INPP5B: variants seen among roughly 807,000 people sequenced by gnomAD.
INPP5B encodes the protein type II inositol 1,4,5-trisphosphate 5-phosphatase.
A neutral mutation model predicts 118.5 loss-of-function variants in INPP5B; 90 were observed. The ratio of observed to expected loss-of-function variants is 0.76; its 90% CI spans 0.64 to 0.90. The LOEUF is 0.90. Among genes scored for constraint, INPP5B ranks in the 40% least tolerant of loss-of-function variants. The probability of loss-of-function intolerance (pLI) is 0.00; values close to 1 mark genes in which losing one functional copy is unlikely to be tolerated. For missense variants in INPP5B, 984 were observed against 1,125.6 expected (o/e 0.87, Z 1.80); for synonymous variants, 385 against 418.9 (o/e 0.92, Z 0.99).
At chr1:37,884,229 G>A (rs937867967) in intron 13 of INPP5B, 4 of 152,132 alleles carry the variant, frequency 2.6e-5, no homozygotes, top group African/African-American at 4.8e-5. Context: ...TTAAAAAAAA[G>A]AAATCTTAAG....
At chr1:37,899,905 G>A (rs1382360762) in intron 7 of INPP5B, among the ~76,000 whole-genome samples, 4 of 149,586 alleles carry the variant, frequency 2.7e-5, no homozygotes, top group East Asian at 4.1e-4. Context: ...TAGTAGAGAC[G>A]GGGTTTCACC....
intron 7 of INPP5B, among the ~76,000 whole-genome samples, chr1:37,927,712 T>C (rs1214665950): frequency 6.6e-6 from 1 of 151,938 alleles, no homozygotes; most frequent in Non-Finnish European, 1.5e-5. Context: ...AATTTTTTTG[T>C]ATTTTTAGTA....
chr1:37,926,803 G>A (rs1245530860), intron 7 of INPP5B, among the ~76,000 whole-genome samples: 1 of 152,026 alleles, frequency 6.6e-6, no homozygotes, highest in Admixed American at 6.6e-5. Flanking sequence ...GATAAGTACT[G>A]GGCCCTGTAC....
Position 37,866,444 on chromosome 1 carries a change from A to C in INPP5B, c.2386+15T>G. ...CACACACACACACACACAGAGCTGAATGTCTGAAGGATACAGAGGTTATCA... is the reference window on the plus strand; with the variant it reads ...CACACACACACACACACAGAGCTGACTGTCTGAAGGATACAGAGGTTATCA... On this transcript the variant is annotated intron_variant, in intron 21 of 23. Transcript: ENST00000373024. 1 of 1,353,962 alleles carries C rather than the reference A, an allele frequency of 7.4e-7. No homozygotes were observed. The highest frequency in any genetic ancestry group is 1.1e-6 in the Non-Finnish European group (1 of 944,636). 83.9% of individuals were successfully genotyped at this position (1,353,962 alleles called of 1,614,324 possible).
At chr1:37,917,311 TATATATA>T (rs1644905682) in intron 7 of INPP5B, among the ~76,000 whole-genome samples, 3 of 7,706 alleles carry the variant, frequency 3.9e-4, no homozygotes, top group South Asian at 7.9e-3. Context: ...AAAATAATTA[TATATATA>T]TATATATATA....
Position 37,861,900 on chromosome 1 carries a change from G to A in INPP5B, c.*415C>T. ...AAATGCAAAAAATTAGCTGGGCGTG[G>A]CAGTGTGTGCCTGCAGTCCCAGCTA... On this transcript the variant is annotated 3_prime_UTR_variant, in exon 24 of 24. Transcript: ENST00000373024. The A allele has an allele frequency of 6.2e-6, 1 of 160,618 alleles. No homozygotes were observed. The highest frequency in any genetic ancestry group is 1.4e-5 in the Non-Finnish European group (1 of 73,542). 9.9% of individuals were successfully genotyped at this position (160,618 alleles called of 1,614,324 possible). A position where few individuals can be genotyped will look rare whatever the true frequency, so the allele number is the denominator to read the frequency against.
chr1:37,871,083 G>A (rs908858335), intron 19 of INPP5B, among the ~76,000 whole-genome samples: 3 of 151,250 alleles, frequency 2.0e-5, no homozygotes, highest in African/African-American at 4.9e-5. Flanking sequence ...CTTGCAACCT[G>A]GACGGCAGAG....
At chr1:37,917,795 C>T (rs1398324865) in intron 7 of INPP5B, among the ~76,000 whole-genome samples, 2 of 152,078 alleles carry the variant, frequency 1.3e-5, no homozygotes, top group Non-Finnish European at 2.9e-5. Context: ...AATAAAATAG[C>T]CATACATGGC....
At chr1:37,885,606 G>T in intron 13 of INPP5B, 32 bp downstream of exon 13, 7 of 1,601,120 alleles carry the variant, frequency 4.4e-6, no homozygotes, top group Non-Finnish European at 5.1e-6. Context: ...TGTACTCATG[G>T]TGAACCGCAT....
Position 37,908,151 on chromosome 1 carries a change from G to A in INPP5B, c.533-16697C>T, listed in dbSNP as rs147598502. ...GCACCCAGGTGAAATAAACAGCCCT[G>A]TTGCTCACACAAAGCCTGTTGGTGG... On this transcript the variant is annotated intron_variant, in intron 7 of 23. Coordinates refer to ENST00000373024, the MANE Select transcript of INPP5B (RefSeq NM_005540.3). 6.0e-3 allele frequency among the ~76,000 whole-genome samples: 913 copies of A among 152,284 alleles called. 10 individuals carry two copies. Among genetic ancestry groups the A allele is most frequent in the Non-Finnish European group, 8.8e-3 (602 of 68,028 alleles).
chr1:37,906,704 A>G (rs1448205967), intron 7 of INPP5B, among the ~76,000 whole-genome samples: 1 of 151,884 alleles, frequency 6.6e-6, no homozygotes, highest in Non-Finnish European at 1.5e-5. Context: ...AAAAAAAAAT[A>G]CAAAAATTAG....
At chr1:37,900,288 CTT>C (rs898903932) in intron 7 of INPP5B, among the ~76,000 whole-genome samples, 8 of 149,828 alleles carry the variant, frequency 5.3e-5, no homozygotes, top group African/African-American at 2.0e-4. Flanking sequence ...CAGAGTCTCT[CTT>C]GTCACCCAGG....
At chr1:37,936,268 T>C (rs1006856865) in intron 6 of INPP5B, among the ~76,000 whole-genome samples, 2 of 152,018 alleles carry the variant, frequency 1.3e-5, no homozygotes, top group African/African-American at 4.8e-5. Context: ...GCCAAGCCCT[T>C]TTCCTCCTTG....
Position 37,935,584 on chromosome 1 carries a change from A to G in INPP5B, c.392-3531T>C, listed in dbSNP as rs1489243890. On this transcript the variant is annotated intron_variant, in intron 6 of 23. Coordinates refer to ENST00000373024, the MANE Select transcript of INPP5B (RefSeq NM_005540.3). ...TCATTCTCATCAGTTTGACCTCTCT[A>G]TTTTTCAAGTCCATCCCTCCTTCCC... is the stretch of plus-strand genomic sequence containing the variant. Among the ~76,000 whole-genome samples, 4 of 151,630 alleles carry G rather than the reference A, an allele frequency of 2.6e-5. No homozygotes were observed. The South Asian group carries it at 6.3e-4, about 24-fold the overall frequency.
intron 19 of INPP5B, 27 bp downstream of exon 19, chr1:37,872,903 G>A (rs370687527): frequency 2.0e-6 from 3 of 1,533,368 alleles, no homozygotes; most frequent in African/African-American, 1.4e-5. Flanking sequence ...CAAAGTTCTA[G>A]ATGTTTCTTT....
At chr1:37,909,410 C>A (rs1233967800) in intron 7 of INPP5B, among the ~76,000 whole-genome samples, 14 of 152,162 alleles carry the variant, frequency 9.2e-5, no homozygotes, top group Admixed American at 9.2e-4. Context: ...CCCCTCCTCA[C>A]ACCCGGTCTG....
At chr1:37,865,182 CA>C (rs369656473) in intron 22 of INPP5B, among the ~76,000 whole-genome samples, 2,005 of 138,728 alleles carry the variant, frequency 0.014, 34 homozygotes, top group African/African-American at 0.046. Flanking sequence ...GACTCCATCT[CA>C]AAAAAAAAAA....
chr1:37,879,270 C>CAA (rs560434492), intron 15 of INPP5B, among the ~76,000 whole-genome samples: 44 of 132,396 alleles, frequency 3.3e-4, no homozygotes, highest in African/African-American at 1.2e-3. Context: ...GACTCCGTCT[C>CAA]AAAAAAAAAA....
At chr1:37,908,424 C>A (rs947704524) in intron 7 of INPP5B, among the ~76,000 whole-genome samples, 5 of 152,134 alleles carry the variant, frequency 3.3e-5, no homozygotes, top group Non-Finnish European at 7.3e-5. Flanking sequence ...AATTCCAATT[C>A]TTTTTCCTCT....
Sources: gnomAD v4.1 joint callset for allele counts (sites outside exome capture counted in the v4.1 genomes callset) on GRCh38, gnomAD v4.1.1 for gene constraint, MANE v1.5 for transcripts, NCBI Gene and HGNC (gene_info 2026-07-23, HGNC 2026-07-21) for gene names.